Variants in DLG1 observed in about 807,000 individuals in gnomAD.
DLG1 encodes disks large homolog 1.
DLG1 carries 42 observed loss-of-function variants against 123.4 expected under a neutral mutation model. That is an observed-to-expected ratio of 0.34 (90% CI 0.27 to 0.44). DLG1 has a LOEUF of 0.44. DLG1 is among the 20% of genes least tolerant of loss of function. DLG1 has a pLI of 1.00. For missense variants in DLG1, 942 were observed against 1,082.6 expected, an observed-to-expected ratio of 0.87 and a Z score of 1.82; for synonymous variants, 317 against 356.2, an observed-to-expected ratio of 0.89 and a Z score of 1.24.
chr3:197,189,510 A>G lies in DLG1; in HGVS notation c.483+4915T>C, dbSNP rs550858186. 3.9e-5 allele frequency among the ~76,000 whole-genome samples: 6 copies of G among 152,308 alleles called. No homozygotes were observed. In the East Asian group the frequency reaches 1.2e-3, roughly 29 times the overall value. Reference sequence around the variant, plus strand: ...AAAATCCTTATCTACTCAGTTTGCAAATATGAATCAGACAGCCAGCAAACC... The same window carrying G: ...AAAATCCTTATCTACTCAGTTTGCAGATATGAATCAGACAGCCAGCAAACC... On this transcript the variant is annotated intron_variant, in intron 5 of 24. Transcript: ENST00000667157.
At chr3:197,156,164 C>T (rs1796326556) in intron 5 of DLG1, among the ~76,000 whole-genome samples, 2 of 152,102 alleles carry the variant, frequency 1.3e-5, no homozygotes, top group African/African-American at 2.4e-5. Context: ...ACATCAACAA[C>T]TGAAAGGGGT....
intron 5 of DLG1, among the ~76,000 whole-genome samples, chr3:197,171,742 A>C (rs1804302114): frequency 6.6e-6 from 1 of 152,184 alleles, no homozygotes; most frequent in Non-Finnish European, 1.5e-5. Flanking sequence ...CAAACACGAA[A>C]CATTTCAAAG....
chr3:197,170,841 T>G (rs540384511), intron 5 of DLG1, among the ~76,000 whole-genome samples: 9 of 152,348 alleles, frequency 5.9e-5, no homozygotes, highest in African/African-American at 2.2e-4. Flanking sequence ...CTAGGTTGTC[T>G]TCTTAGGTTG....
rs968077106 is a variant in DLG1, at chr3:197,043,383, G to A, written c.*1240C>T. 6.6e-6 allele frequency: 1 copy of A among 152,034 alleles called. No individual in the cohort carries two copies. The highest frequency in any genetic ancestry group is 1.5e-5 in the Non-Finnish European group (1 of 67,992). The allele number at this position is 152,034 out of a possible 1,614,324, so 9.4% of individuals were successfully genotyped here. ...CCTCAGGAACCATTTGAAAACCTTT[G>A]TAGAAAAGAGGAGAATATGCCCACA... On this transcript the variant is annotated 3_prime_UTR_variant, in exon 25 of 25. Transcript: ENST00000667157.
chr3:197,288,750 AC>A (rs1773332107), intron 3 of DLG1, among the ~76,000 whole-genome samples: 1 of 108,256 alleles, frequency 9.2e-6, no homozygotes, highest in Non-Finnish European at 2.1e-5. Flanking sequence ...AAAAATACAT[AC>A]ATACATACAT....
At chr3:197,115,397 T>C (rs1051043800) in intron 13 of DLG1, among the ~76,000 whole-genome samples, 2 of 151,386 alleles carry the variant, frequency 1.3e-5, no homozygotes, top group East Asian at 1.9e-4. Context: ...GCCACATTAA[T>C]AGCAGACAAT....
At chr3:197,200,829 A>G (rs929854370) in intron 4 of DLG1, among the ~76,000 whole-genome samples, 3 of 152,172 alleles carry the variant, frequency 2.0e-5, no homozygotes, top group African/African-American at 4.8e-5. Flanking sequence ...TTTGAGAAAC[A>G]TATCTCAACA....
At chr3:197,195,047 C>T (rs919823875) in intron 4 of DLG1, among the ~76,000 whole-genome samples, 4 of 151,932 alleles carry the variant, frequency 2.6e-5, no homozygotes, top group Non-Finnish European at 4.4e-5. Context: ...ATCTCTCTCT[C>T]TCTCTCTCAC....
intron 23 of DLG1, among the ~76,000 whole-genome samples, chr3:197,059,367 T>C (rs1307919690): frequency 6.6e-6 from 1 of 152,232 alleles, no homozygotes; most frequent in Non-Finnish European, 1.5e-5. Flanking sequence ...TTTTAAGGTG[T>C]GTCTGATGAA....
intron 10 of DLG1, among the ~76,000 whole-genome samples, chr3:197,133,817 A>G (rs1783820692): frequency 6.6e-6 from 1 of 152,230 alleles, no homozygotes; most frequent in Non-Finnish European, 1.5e-5. Flanking sequence ...AAGGGTGACT[A>G]TTAGGCAAAT....
chr3:197,149,814 A>C lies in DLG1; in HGVS notation c.484-18T>G. 6.7e-7 allele frequency: 1 copy of C among 1,491,748 alleles called. No homozygotes were observed. The highest frequency in any genetic ancestry group is 9.3e-7 in the Non-Finnish European group (1 of 1,073,180). The allele number at this position is 1,491,748 out of a possible 1,614,324, so 92.4% of individuals were successfully genotyped here. ...GGATTTGCCTTTAAGAAGAAATTGT[A>C]AATGTGTTAACAAGAAAATAAAACA... On this transcript the variant is annotated intron_variant, in intron 5 of 24. Coordinates refer to ENST00000667157, the MANE Select transcript of DLG1 (RefSeq NM_001366207.1).
intron 13 of DLG1, 28 bp downstream of exon 13, chr3:197,115,899 A>G (rs752565962): frequency 6.2e-7 from 1 of 1,601,936 alleles, no homozygotes; most frequent in East Asian, 2.2e-5. Flanking sequence ...AAAATAACAA[A>G]AACGTGATCT....
intron 4 of DLG1, among the ~76,000 whole-genome samples, chr3:197,223,844 C>T (rs1245760614): frequency 6.6e-6 from 1 of 152,124 alleles, no homozygotes. Context: ...GTCAGTTTCA[C>T]CACAAAGCCT....
intron 4 of DLG1, among the ~76,000 whole-genome samples, chr3:197,268,587 A>ATT (rs1054760162): frequency 6.8e-6 from 1 of 145,996 alleles, no homozygotes; most frequent in African/African-American, 2.5e-5. Context: ...ACCACGCCTA[A>ATT]TTTTTTTTTT....
intron 4 of DLG1, among the ~76,000 whole-genome samples, chr3:197,200,586 A>G (rs1056104129): frequency 2.0e-5 from 3 of 152,220 alleles, no homozygotes; most frequent in African/African-American, 4.8e-5. Flanking sequence ...AGAAAATACT[A>G]GCAAATCGAA....
At chr3:197,206,722 A>G (rs1418160354) in intron 4 of DLG1, among the ~76,000 whole-genome samples, 19 of 152,114 alleles carry the variant, frequency 1.2e-4, no homozygotes, top group South Asian at 2.1e-4. Flanking sequence ...GAGATACAAG[A>G]AAAAAAACTA....
rs546669270 is a variant in DLG1, at chr3:197,275,563, A to G, written c.318+7116T>C. Among the ~76,000 whole-genome samples the G allele has an allele frequency of 3.0e-4, 45 of 152,392 alleles. 2 individuals carry two copies. The South Asian group carries it at 8.5e-3, about 29-fold the overall frequency. ...ATAGACAATAGAATATTATTTAGCCATAACACAGCATGAAGTCCTGTCATC... is the reference window on the plus strand; with the variant it reads ...ATAGACAATAGAATATTATTTAGCCGTAACACAGCATGAAGTCCTGTCATC... On this transcript the variant is annotated intron_variant, in intron 4 of 24. Coordinates refer to ENST00000667157, the MANE Select transcript of DLG1 (RefSeq NM_001366207.1).
At chr3:197,208,488 T>C in intron 4 of DLG1, among the ~76,000 whole-genome samples, 1 of 147,048 alleles carries the variant, frequency 6.8e-6, no homozygotes, top group South Asian at 2.5e-4. Flanking sequence ...GTAAAACAAA[T>C]AATTAAAAAC....
At position 197,296,513 on chromosome 3, in the gene DLG1, T is replaced by C. The variant is rs1050927563; in HGVS notation, c.20-36A>G. On this transcript the variant is annotated intron_variant, in intron 2 of 24. Coordinates refer to ENST00000667157, the MANE Select transcript of DLG1 (RefSeq NM_001366207.1). ...AAAGCAGAGCCTGATTAAAACTCTCTATTTACAAAAAAAGTATCACATACT... is the reference window on the plus strand; with the variant it reads ...AAAGCAGAGCCTGATTAAAACTCTCCATTTACAAAAAAAGTATCACATACT... 25 of 1,601,824 alleles carry C rather than the reference T, an allele frequency of 1.6e-5. No homozygotes were observed. The East Asian group carries it at 5.6e-4, about 36-fold the overall frequency.
Sources: gnomAD v4.1 joint callset for allele counts (sites outside exome capture counted in the v4.1 genomes callset) on GRCh38, gnomAD v4.1.1 for gene constraint, MANE v1.5 for transcripts, NCBI Gene and HGNC (gene_info 2026-07-23, HGNC 2026-07-21) for gene names.